Variants in DRC11 observed in about 807,000 individuals in gnomAD.
The protein encoded by DRC11 is IQ and AAA domain-containing protein 1.
chr2:236,426,103 A>C, the DRC11 span, among the ~76,000 whole-genome samples: 1 of 151,914 alleles, frequency 6.6e-6, no homozygotes, highest in African/African-American at 2.4e-5. The surrounding 1 kb of genome is among the most constrained non-coding windows in gnomAD (Gnocchi z 4.1). Flanking sequence ...TCAAGATTTC[A>C]TTGGATATTT....
At chr2:236,486,426 C>A in the DRC11 span, among the ~76,000 whole-genome samples, 1 of 152,004 alleles carries the variant, frequency 6.6e-6, no homozygotes, top group Admixed American at 6.6e-5. This position sits in a 1 kb window ranked among gnomAD's most constrained non-coding sequence, Gnocchi z 5.7. Context: ...CAATAGATAA[C>A]TAATCCACCT....
chr2:236,507,149 G>T, the DRC11 span: 1 of 1,143,312 alleles, frequency 8.7e-7, no homozygotes. Flanking sequence ...GAAGTTGAGA[G>T]GGGAGGAGAA....
the DRC11 span, among the ~76,000 whole-genome samples, chr2:236,337,618 C>A: frequency 2.0e-5 from 3 of 152,208 alleles, no homozygotes; most frequent in Non-Finnish European, 4.4e-5. This position sits in a 1 kb window ranked among gnomAD's most constrained non-coding sequence, Gnocchi z 4.9. Flanking sequence ...GAGCCCCAGC[C>A]CAGGCTCCTC....
the DRC11 span, among the ~76,000 whole-genome samples, chr2:236,366,496 C>T: frequency 6.6e-6 from 1 of 152,208 alleles, no homozygotes; most frequent in Non-Finnish European, 1.5e-5. Context: ...ATTCCAAACA[C>T]TTGGCACACA....
the DRC11 span, among the ~76,000 whole-genome samples, chr2:236,436,216 C>T: frequency 6.6e-6 from 1 of 151,982 alleles, no homozygotes; most frequent in African/African-American, 2.4e-5. Flanking sequence ...TCAGGGTGTT[C>T]CAATTTTTGT....
At chr2:236,356,963 TATATATTATATATTC>T in the DRC11 span, among the ~76,000 whole-genome samples, 49 of 104,334 alleles carry the variant, frequency 4.7e-4, 1 homozygote, top group Non-Finnish European at 7.2e-4. Flanking sequence ...ATCATAAATA[TATATATTATATATTC>T]ATATATTATA....
the DRC11 span, among the ~76,000 whole-genome samples, chr2:236,492,660 G>A: frequency 1.3e-5 from 2 of 152,172 alleles, no homozygotes; most frequent in Non-Finnish European, 2.9e-5. Context: ...CAGCCAGAAG[G>A]GTGAGGCAGT....
At chr2:236,338,202 T>C in the DRC11 span, 1 of 1,612,920 alleles carries the variant, frequency 6.2e-7, no homozygotes, top group Non-Finnish European at 8.5e-7. Context: ...TGGGGGTACT[T>C]GCCGTATCTG....
At chr2:236,310,331 C>T in the DRC11 span, among the ~76,000 whole-genome samples, 2 of 152,202 alleles carry the variant, frequency 1.3e-5, no homozygotes, top group Non-Finnish European at 2.9e-5. The surrounding 1 kb of genome is among the most constrained non-coding windows in gnomAD (Gnocchi z 5.5). Flanking sequence ...AAACTCAGCC[C>T]TGGCAGTCCA....
At chr2:236,480,322 A>T in the DRC11 span, among the ~76,000 whole-genome samples, 4 of 152,100 alleles carry the variant, frequency 2.6e-5, no homozygotes, top group African/African-American at 9.7e-5. Flanking sequence ...TATTTGAATA[A>T]GGCTTCTACC....
the DRC11 span, among the ~76,000 whole-genome samples, chr2:236,340,098 C>G: frequency 1.7e-4 from 26 of 152,344 alleles, no homozygotes; most frequent in Non-Finnish European, 3.8e-4. Flanking sequence ...TCAGAAAAGT[C>G]TTGCACTTCT....
the DRC11 span, among the ~76,000 whole-genome samples, chr2:236,381,220 C>T: frequency 5.3e-5 from 8 of 152,230 alleles, no homozygotes; most frequent in African/African-American, 1.9e-4. The surrounding 1 kb of genome is among the most constrained non-coding windows in gnomAD (Gnocchi z 5.8). Context: ...GACACAAAAT[C>T]ACCAGACTTC....
the DRC11 span, among the ~76,000 whole-genome samples, chr2:236,402,309 TCCTGCC>T: frequency 1.3e-5 from 2 of 152,210 alleles, no homozygotes; most frequent in Admixed American, 6.5e-5. The surrounding 1 kb of genome is among the most constrained non-coding windows in gnomAD (Gnocchi z 6.0). Context: ...AGGACACACC[TCCTGCC>T]CCTGCTGACT....
At chr2:236,466,547 C>T in the DRC11 span, among the ~76,000 whole-genome samples, 1 of 152,154 alleles carries the variant, frequency 6.6e-6, no homozygotes, top group African/African-American at 2.4e-5. Flanking sequence ...ATCTGCTTGG[C>T]TTCTGGCGAG....
the DRC11 span, among the ~76,000 whole-genome samples, chr2:236,458,553 T>A: frequency 6.6e-6 from 1 of 152,170 alleles, no homozygotes; most frequent in East Asian, 1.9e-4. Flanking sequence ...ATAACCCCAA[T>A]AAGTAATTTG....
the DRC11 span, among the ~76,000 whole-genome samples, chr2:236,447,924 C>T: frequency 1.3e-5 from 2 of 152,130 alleles, no homozygotes; most frequent in Non-Finnish European, 2.9e-5. The surrounding 1 kb of genome is among the most constrained non-coding windows in gnomAD (Gnocchi z 4.6). Flanking sequence ...GACATTGTAG[C>T]ACATGCTGCA....
chr2:236,503,720 G>A, the DRC11 span: 75 of 1,548,304 alleles, frequency 4.8e-5, no homozygotes, highest in South Asian at 8.6e-4. This position sits in a 1 kb window ranked among gnomAD's most constrained non-coding sequence, Gnocchi z 4.9. Flanking sequence ...CTCCCCAGCT[G>A]TCCTGATGCC....
At chr2:236,503,766 G>C in the DRC11 span, 1 of 1,417,030 alleles carries the variant, frequency 7.1e-7, no homozygotes, top group Non-Finnish European at 9.7e-7. The surrounding 1 kb of genome is among the most constrained non-coding windows in gnomAD (Gnocchi z 4.9). Context: ...ACACTGGACC[G>C]CCAGGGACCT....
the DRC11 span, among the ~76,000 whole-genome samples, chr2:236,363,293 G>A: frequency 2.0e-5 from 3 of 152,192 alleles, no homozygotes; most frequent in African/African-American, 4.8e-5. The surrounding 1 kb of genome is among the most constrained non-coding windows in gnomAD (Gnocchi z 5.6). Flanking sequence ...AGAGCTGCTC[G>A]GATCCTGTGA....
Sources: gnomAD v4.1 joint callset for allele counts (sites outside exome capture counted in the v4.1 genomes callset) on GRCh38, gnomAD v4.1.1 for gene constraint, Gnocchi (gnomAD v3.1) non-coding constraint, MANE v1.5 for transcripts, NCBI Gene and HGNC (gene_info 2026-07-23, HGNC 2026-07-21) for gene names.